Variants in TMEM163 observed in about 807,000 individuals in gnomAD.
The protein encoded by TMEM163 is transmembrane protein 163.
A neutral mutation model predicts 29.3 loss-of-function variants in TMEM163; 17 were observed. The observed-to-expected ratio is 0.58, with a 90% CI of 0.40 to 0.87. TMEM163 has a LOEUF of 0.87. Ranked by LOEUF, TMEM163 falls within the 40% of genes least tolerant of loss-of-function variation. The pLI, the probability that TMEM163 is intolerant of heterozygous loss-of-function variation, is 0.00. For synonymous variants in TMEM163, 157 were observed against 160.6 expected (o/e 0.98, Z 0.17); for missense variants, 303 against 381.5 (o/e 0.79, Z 1.71).
chr2:134,639,490 TTCAC>T (rs1232742997), intron 2 of TMEM163, among the ~76,000 whole-genome samples: 2 of 152,192 alleles, frequency 1.3e-5, no homozygotes, highest in Admixed American at 1.3e-4. Flanking sequence ...AGCTTTTGCT[TTCAC>T]TGGAGATGCT....
intron 4 of TMEM163, among the ~76,000 whole-genome samples, chr2:134,511,154 G>A (rs568669450): frequency 1.7e-4 from 6 of 35,456 alleles, no homozygotes; most frequent in Admixed American, 7.4e-4. Context: ...AGAACAAGGC[G>A]GGGGGGGGTG....
At chr2:134,535,724 TTTTTG>T (rs919320527) in intron 4 of TMEM163, among the ~76,000 whole-genome samples, 15 of 148,622 alleles carry the variant, frequency 1.0e-4, no homozygotes, top group African/African-American at 2.6e-4. Flanking sequence ...ATGGTTTTTT[TTTTTG>T]TTTGTTTGTT....
At chr2:134,629,509 A>G (rs1304293095) in intron 2 of TMEM163, among the ~76,000 whole-genome samples, 1 of 152,116 alleles carries the variant, frequency 6.6e-6, no homozygotes, top group African/African-American at 2.4e-5. Context: ...GTTTGTATAG[A>G]TACAAGGGGG....
chr2:134,609,102 C>T (rs796238213), intron 2 of TMEM163, among the ~76,000 whole-genome samples: 4 of 49,692 alleles, frequency 8.0e-5, no homozygotes, highest in Non-Finnish European at 8.6e-5. Context: ...GAGGACAGAC[C>T]CCGAGAACTG....
chr2:134,497,861 A>G (rs894088476), intron 5 of TMEM163, among the ~76,000 whole-genome samples: 4 of 152,170 alleles, frequency 2.6e-5, no homozygotes, highest in African/African-American at 9.7e-5. Context: ...AGAGAGCAAT[A>G]CAAGCTCCAT....
intron 2 of TMEM163, among the ~76,000 whole-genome samples, chr2:134,606,918 C>G (rs900824791): frequency 2.7e-5 from 4 of 147,992 alleles, no homozygotes; most frequent in Admixed American, 6.6e-5. Flanking sequence ...GAGGACAGAC[C>G]CCGAGAACTG....
rs369925190 is a variant in TMEM163, at chr2:134,658,746, C to T, written c.322+54454G>A. On this transcript the variant is annotated intron_variant, in intron 2 of 7. Coordinates refer to ENST00000281924, the MANE Select transcript of TMEM163 (RefSeq NM_030923.5). ...CTAAGTAGCTGGGACTACAGGCGCCCGCCACAATGCCTGGCTAATTTTGTA... is the reference window on the plus strand; with the variant it reads ...CTAAGTAGCTGGGACTACAGGCGCCTGCCACAATGCCTGGCTAATTTTGTA... Among the ~76,000 whole-genome samples, 11 of 152,142 alleles carry T rather than the reference C, an allele frequency of 7.2e-5. 1 individual carries two copies. Among genetic ancestry groups the T allele is most frequent in the African/African-American group, 1.9e-4 (8 of 41,512 alleles).
At chr2:134,602,489 G>T (rs1198481332) in intron 2 of TMEM163, among the ~76,000 whole-genome samples, 1 of 152,138 alleles carries the variant, frequency 6.6e-6, no homozygotes, top group East Asian at 1.9e-4. Flanking sequence ...TTAGGAAGTG[G>T]TGTGAGTGAG....
At chr2:134,581,534 C>T (rs1322559212) in intron 2 of TMEM163, among the ~76,000 whole-genome samples, 1 of 152,204 alleles carries the variant, frequency 6.6e-6, no homozygotes, top group Non-Finnish European at 1.5e-5. Flanking sequence ...GCTGCCACCC[C>T]ACTCTGGCTG....
At chr2:134,468,491 C>A in intron 5 of TMEM163, 1 of 152,302 alleles carries the variant, frequency 6.6e-6, no homozygotes, top group Non-Finnish European at 1.5e-5. Flanking sequence ...GACACATGAC[C>A]AAAGAATTGC....
intron 4 of TMEM163, among the ~76,000 whole-genome samples, chr2:134,540,087 G>C (rs1025072444): frequency 5.9e-5 from 9 of 152,224 alleles, no homozygotes; most frequent in African/African-American, 9.6e-5. Context: ...ACCATCCTCA[G>C]GGTGAAACAG....
intron 2 of TMEM163, among the ~76,000 whole-genome samples, chr2:134,639,314 A>T (rs1254797880): frequency 6.6e-6 from 1 of 152,216 alleles, no homozygotes; most frequent in Admixed American, 6.5e-5. Flanking sequence ...TGAAGAAGAG[A>T]CAAAGCAGAT....
At chr2:134,510,977 C>A (rs1679933454) in intron 4 of TMEM163, among the ~76,000 whole-genome samples, 1 of 152,176 alleles carries the variant, frequency 6.6e-6, no homozygotes, top group African/African-American at 2.4e-5. Flanking sequence ...ACTCGTGGCC[C>A]AAGGTCTTCC....
At chr2:134,548,978 T>C (rs565366089) in intron 4 of TMEM163, among the ~76,000 whole-genome samples, 1 of 152,346 alleles carries the variant, frequency 6.6e-6, no homozygotes, top group East Asian at 1.9e-4. Context: ...AACCATCATT[T>C]GAAATTTTTA....
At chr2:134,688,512 A>G (rs576098922) in intron 2 of TMEM163, among the ~76,000 whole-genome samples, 1 of 152,342 alleles carries the variant, frequency 6.6e-6, no homozygotes, top group Admixed American at 6.5e-5. Context: ...CGGGGAATAT[A>G]TTAATCTTCA....
At chr2:134,648,491 G>A (rs1394179296) in intron 2 of TMEM163, among the ~76,000 whole-genome samples, 2 of 152,016 alleles carry the variant, frequency 1.3e-5, no homozygotes, top group African/African-American at 4.8e-5. Context: ...TTGAGGGTGG[G>A]GTGGTTGCTG....
At chr2:134,567,512 T>A (rs1473465209) in intron 2 of TMEM163, among the ~76,000 whole-genome samples, 4 of 152,032 alleles carry the variant, frequency 2.6e-5, no homozygotes, top group African/African-American at 9.7e-5. Context: ...ACCAACATGG[T>A]GAAACCCCAT....
rs549035225 is a variant in TMEM163 at position 134,612,167 on chromosome 2, T to C, written c.323-60076A>G. On this transcript the variant is annotated intron_variant, in intron 2 of 7. Transcript: ENST00000281924. ...TCTCAAGCACCTGAAAAAGCCCCAT[T>C]TGCAAGATACAAACTTTATTTGACT... Among the ~76,000 whole-genome samples the C allele has an allele frequency of 9.9e-5, 15 of 152,254 alleles. No individual in the cohort carries two copies. In the East Asian group the frequency reaches 2.3e-3, roughly 23 times the overall value.
intron 4 of TMEM163, among the ~76,000 whole-genome samples, chr2:134,547,678 TGTGA>T (rs956847317): frequency 8.5e-5 from 13 of 152,358 alleles, no homozygotes; most frequent in African/African-American, 3.1e-4. Flanking sequence ...TATAGAGGAT[TGTGA>T]GTATCACTTA....
Sources: gnomAD v4.1 joint callset for allele counts (sites outside exome capture counted in the v4.1 genomes callset) on GRCh38, gnomAD v4.1.1 for gene constraint, MANE v1.5 for transcripts, NCBI Gene and HGNC (gene_info 2026-07-23, HGNC 2026-07-21) for gene names.